Variants in PTPRQ observed in about 807,000 individuals in gnomAD.
PTPRQ encodes the protein phosphatidylinositol phosphatase PTPRQ.
PTPRQ carries 199 observed loss-of-function variants against 246.0 expected under a neutral mutation model. The observed-to-expected ratio is 0.81, with a 90% CI of 0.72 to 0.91. The LOEUF is 0.91. Among genes scored for constraint, PTPRQ ranks in the 40% least tolerant of loss-of-function variants. PTPRQ has a pLI of 0.00. For missense variants in PTPRQ, 2,624 were observed against 2,528.4 expected, an observed-to-expected ratio of 1.04 and a Z score of -0.81; for synonymous variants, 869 against 853.2, an observed-to-expected ratio of 1.02 and a Z score of -0.32.
chr12:80,527,882 C>A (rs1375117285), intron 17 of PTPRQ, among the ~76,000 whole-genome samples: 1 of 152,076 alleles, frequency 6.6e-6, no homozygotes, highest in Non-Finnish European at 1.5e-5. Flanking sequence ...TGGCTTGAAC[C>A]CAGGAGTTTG....
chr12:80,481,896 A>G (rs1894075672), intron 8 of PTPRQ, among the ~76,000 whole-genome samples: 1 of 150,710 alleles, frequency 6.6e-6, no homozygotes, highest in Non-Finnish European at 1.5e-5. Context: ...AAATGGAAGA[A>G]CATTCCATGC....
chr12:80,483,429 TGAC>T (rs1180441882), intron 8 of PTPRQ, among the ~76,000 whole-genome samples: 1 of 144,120 alleles, frequency 6.9e-6, no homozygotes, highest in Non-Finnish European at 1.5e-5. Context: ...TAATGCTAGA[TGAC>T]GAGTTAGTGG....
At chr12:80,649,335 TA>T (rs1900179736) in intron 36 of PTPRQ, among the ~76,000 whole-genome samples, 3 of 152,130 alleles carry the variant, frequency 2.0e-5, no homozygotes. Flanking sequence ...TTTTCTTCAT[TA>T]AAATGCTAAA....
intron 35 of PTPRQ, among the ~76,000 whole-genome samples, chr12:80,643,083 G>A (rs1310278720): frequency 6.6e-6 from 1 of 152,078 alleles, no homozygotes; most frequent in Non-Finnish European, 1.5e-5. Context: ...CTACACATAT[G>A]AGAAGATATG....
chr12:80,598,649 G>A (rs1324645304), intron 26 of PTPRQ, among the ~76,000 whole-genome samples: 1 of 151,936 alleles, frequency 6.6e-6, no homozygotes, highest in Non-Finnish European at 1.5e-5. Context: ...ACTTAGTGAT[G>A]ACAGTCACTA....
At chr12:80,651,007 A>G (rs1403323832) in intron 37 of PTPRQ, among the ~76,000 whole-genome samples, 1 of 152,038 alleles carries the variant, frequency 6.6e-6, no homozygotes, top group African/African-American at 2.4e-5. Flanking sequence ...AACTCAGGAC[A>G]TATTCACTCA....
At chr12:80,667,103 T>C (rs1249630399) in intron 39 of PTPRQ, among the ~76,000 whole-genome samples, 3 of 152,008 alleles carry the variant, frequency 2.0e-5, no homozygotes, top group Non-Finnish European at 4.4e-5. Context: ...TTATACTCCC[T>C]GCTTTTTCTA....
At chr12:80,488,285 G>C (rs545309314) in intron 9 of PTPRQ, among the ~76,000 whole-genome samples, 3 of 152,124 alleles carry the variant, frequency 2.0e-5, no homozygotes, top group Admixed American at 2.0e-4. Flanking sequence ...AGGAACAACA[G>C]GAGGTGGGTA....
chr12:80,487,855 G>T (rs148070964), intron 9 of PTPRQ, among the ~76,000 whole-genome samples: 92 of 151,828 alleles, frequency 6.1e-4, no homozygotes, highest in African/African-American at 2.1e-3. Context: ...AATTATAATC[G>T]CGCAGTTTCT....
chr12:80,534,915 G>A lies in PTPRQ; in HGVS notation c.2863G>A (p.Val955Ile). The change falls in exon 19 of 45, where the codon GTT becomes ATT. Residue 955 changes from valine (V) to isoleucine (I), a missense_variant. Physicochemically the swap from Val to Ile is conservative, Grantham distance 29. Coordinates refer to ENST00000644991, the MANE Select transcript of PTPRQ (RefSeq NM_001145026.2). ...AGCACCAAGCGATCCTCCCAAAGAT[G>A]TTTATTATGCAAACCTCAGTTCTTC... The part of the protein sequence containing the change: ...EGAPSDPPKD[V>I]YYANLSSSSI... 1.3e-6 allele frequency: 2 copies of A among 1,549,602 alleles called. No individual in the cohort carries two copies. Among genetic ancestry groups the A allele is most frequent in the Non-Finnish European group, 1.7e-6 (2 of 1,146,106 alleles).
chr12:80,558,145 T>A (rs1896710033), intron 25 of PTPRQ, among the ~76,000 whole-genome samples: 1 of 130,690 alleles, frequency 7.7e-6, no homozygotes, highest in Non-Finnish European at 1.5e-5. Flanking sequence ...TTTCTTTTCT[T>A]TTCTTTTCTT....
At chr12:80,515,804 G>C (rs1373136828) in intron 17 of PTPRQ, among the ~76,000 whole-genome samples, 1 of 139,578 alleles carries the variant, frequency 7.2e-6, no homozygotes, top group East Asian at 2.1e-4. Flanking sequence ...TTATTATATT[G>C]GGTAACTTTT....
chr12:80,568,765 A>G (rs186763949), intron 25 of PTPRQ, among the ~76,000 whole-genome samples: 3 of 152,348 alleles, frequency 2.0e-5, no homozygotes, highest in Admixed American at 6.5e-5. Context: ...GCATAAACTG[A>G]AGAACAAATG....
chr12:80,473,689 T>A (rs989814109), intron 8 of PTPRQ, among the ~76,000 whole-genome samples: 1 of 152,224 alleles, frequency 6.6e-6, no homozygotes, highest in Admixed American at 6.5e-5. Context: ...GTGTACAATG[T>A]CATGTTATTT....
intron 3 of PTPRQ, among the ~76,000 whole-genome samples, chr12:80,446,156 A>T (rs1456134282): frequency 6.6e-6 from 1 of 151,922 alleles, no homozygotes; most frequent in East Asian, 1.9e-4. Flanking sequence ...AAACCACAGT[A>T]AAAAGGGCAA....
At position 80,534,927 on chromosome 12, in the gene PTPRQ, A is replaced by C; in HGVS notation, c.2875A>C (p.Asn959His). ...TCCTCCCAAAGATGTTTATTATGCA[A>C]ACCTCAGTTCTTCATCAATAATTCT... The part of the protein sequence containing the change: ...SDPPKDVYYA[N>H]LSSSSIILFW... Residue 959 changes from asparagine (N) to histidine (H), a missense_variant, in exon 19 of 45, where the codon AAC becomes CAC. Physicochemically the swap from Asn to His is moderately conservative, Grantham distance 68. Coordinates refer to ENST00000644991, the MANE Select transcript of PTPRQ (RefSeq NM_001145026.2). The C allele has an allele frequency of 6.5e-7, 1 of 1,550,230 alleles. No homozygotes were observed. Among genetic ancestry groups the C allele is most frequent in the Non-Finnish European group, 8.7e-7 (1 of 1,146,346 alleles).
At chr12:80,620,131 G>T in intron 31 of PTPRQ, 23 bp from the exon 32 acceptor site, 1 of 1,520,826 alleles carries the variant, frequency 6.6e-7, no homozygotes. Flanking sequence ...TGGAATTATT[G>T]TTCTCTTTGT....
rs546047173 is a variant in PTPRQ at position 80,670,642 on chromosome 12, A to G, written c.6602+150A>G. 2.6e-5 allele frequency: 32 copies of G among 1,234,384 alleles called. 1 individual carries two copies. The Middle Eastern group carries it at 7.5e-4, about 29-fold the overall frequency. 76.5% of individuals were successfully genotyped at this position (1,234,384 alleles called of 1,614,324 possible). A position where few individuals can be genotyped will look rare whatever the true frequency, so the allele number is the denominator to read the frequency against. ...ATTTAGCATTTCTAGACACATTGGT[A>G]TGATTTATGTTTTCTGACATGATAG... On this transcript the variant is annotated intron_variant, in intron 42 of 44. Transcript: ENST00000644991.
intron 26 of PTPRQ, among the ~76,000 whole-genome samples, chr12:80,601,149 C>G (rs1328560169): frequency 6.6e-6 from 1 of 151,808 alleles, no homozygotes; most frequent in Non-Finnish European, 1.5e-5. Flanking sequence ...ATGACCTTGT[C>G]TCATTTTTCA....
Sources: gnomAD v4.1 joint callset for allele counts (sites outside exome capture counted in the v4.1 genomes callset) on GRCh38, gnomAD v4.1.1 for gene constraint, MANE v1.5 for transcripts, NCBI Gene and HGNC (gene_info 2026-07-23, HGNC 2026-07-21) for gene names.